The following PABPC4L variants were observed in gnomAD, a reference collection of about 807,000 sequenced individuals.
PABPC4L encodes the protein poly(A) binding protein cytoplasmic 4 like, also known as polyadenylate-binding protein 4-like.
For missense variants in PABPC4L, 452 were observed against 451.4 expected (o/e 1.00, Z -0.01); for synonymous variants, 169 against 164.1 (o/e 1.03, Z -0.23).
At chr4:134,008,405 A>C in the PABPC4L span, among the ~76,000 whole-genome samples, 1 of 151,824 alleles carries the variant, frequency 6.6e-6, no homozygotes, top group African/African-American at 2.4e-5. Context: ...TTGTTTTACT[A>C]GTAGACTTAC....
chr4:133,960,832 C>T, the PABPC4L span, among the ~76,000 whole-genome samples: 6 of 152,178 alleles, frequency 3.9e-5, no homozygotes, highest in South Asian at 1.2e-3. Flanking sequence ...TCAGCAGAGG[C>T]AGCCATAATG....
chr4:134,195,467 C>T (rs968029405), downstream of PABPC4L, among the ~76,000 whole-genome samples: 3 of 151,700 alleles, frequency 2.0e-5, no homozygotes, highest in Non-Finnish European at 4.4e-5. Context: ...TTATATCTGC[C>T]ACTTCAGTGA....
At chr4:134,174,438 G>A in the PABPC4L span, among the ~76,000 whole-genome samples, 1 of 152,122 alleles carries the variant, frequency 6.6e-6, no homozygotes, top group Non-Finnish European at 1.5e-5. Flanking sequence ...AGGACAGTAG[G>A]TGTGTTTACA....
chr4:134,036,017 C>T, the PABPC4L span, among the ~76,000 whole-genome samples: 1 of 152,120 alleles, frequency 6.6e-6, no homozygotes, highest in Middle Eastern at 3.4e-3. Context: ...ATCCAATTAC[C>T]TTTACCTGTC....
chr4:134,049,956 C>T, the PABPC4L span, among the ~76,000 whole-genome samples: 1 of 152,130 alleles, frequency 6.6e-6, no homozygotes, highest in Non-Finnish European at 1.5e-5. Context: ...TAATGCAGTT[C>T]ATAAGATGTC....
the PABPC4L span, among the ~76,000 whole-genome samples, chr4:134,181,715 T>C: frequency 6.6e-6 from 1 of 152,030 alleles, no homozygotes; most frequent in Non-Finnish European, 1.5e-5. Flanking sequence ...GTAGCATTCA[T>C]ATACAACAGA....
the PABPC4L span, among the ~76,000 whole-genome samples, chr4:133,951,202 T>C: frequency 3.3e-5 from 5 of 152,336 alleles, no homozygotes; most frequent in East Asian, 9.7e-4. Context: ...TATCTCATCA[T>C]GTAATGGAGC....
chr4:134,186,871 A>G, the PABPC4L span, among the ~76,000 whole-genome samples: 1 of 152,276 alleles, frequency 6.6e-6, no homozygotes, highest in Non-Finnish European at 1.5e-5. Context: ...CCCCATCAAA[A>G]AGTGGGCAAA....
chr4:134,109,884 G>C, the PABPC4L span, among the ~76,000 whole-genome samples: 1 of 151,782 alleles, frequency 6.6e-6, no homozygotes, highest in African/African-American at 2.4e-5. Context: ...TGGGACTGCA[G>C]GCGTGTGCCA....
the PABPC4L span, among the ~76,000 whole-genome samples, chr4:134,092,979 G>A: frequency 3.3e-5 from 5 of 151,866 alleles, no homozygotes; most frequent in Non-Finnish European, 5.9e-5. Flanking sequence ...ACTTTTTCTA[G>A]CGAATTACTC....
chr4:133,967,726 A>T, the PABPC4L span, among the ~76,000 whole-genome samples: 9 of 152,222 alleles, frequency 5.9e-5, no homozygotes, highest in Non-Finnish European at 1.2e-4. Flanking sequence ...TTACTATTGA[A>T]CAAAGGCTAG....
At chr4:133,951,188 G>A in the PABPC4L span, among the ~76,000 whole-genome samples, 3 of 152,116 alleles carry the variant, frequency 2.0e-5, no homozygotes. Context: ...TCCACAAGCA[G>A]CCTTATCTCA....
At chr4:134,099,576 T>A in the PABPC4L span, among the ~76,000 whole-genome samples, 1 of 151,728 alleles carries the variant, frequency 6.6e-6, no homozygotes, top group African/African-American at 2.4e-5. Flanking sequence ...GTAATGCTTA[T>A]TTTGAAAGAA....
At chr4:134,036,389 C>T in the PABPC4L span, among the ~76,000 whole-genome samples, 1 of 151,986 alleles carries the variant, frequency 6.6e-6, no homozygotes, top group African/African-American at 2.4e-5. Context: ...TTGCTGCATA[C>T]CAAGCTTCAA....
chr4:133,952,479 G>A, the PABPC4L span, among the ~76,000 whole-genome samples: 1 of 152,078 alleles, frequency 6.6e-6, no homozygotes, highest in East Asian at 1.9e-4. Flanking sequence ...TGACCCATCT[G>A]GTTTCTTGAC....
At chr4:133,958,558 G>C in the PABPC4L span, among the ~76,000 whole-genome samples, 2 of 152,118 alleles carry the variant, frequency 1.3e-5, no homozygotes, top group Non-Finnish European at 1.5e-5. Context: ...CCATTTTCAT[G>C]CTGCTATGAA....
chr4:134,188,405 A>G, the PABPC4L span, among the ~76,000 whole-genome samples: 1 of 151,998 alleles, frequency 6.6e-6, no homozygotes, highest in Non-Finnish European at 1.5e-5. Context: ...ATGCTCTCCC[A>G]TTCTTTATGT....
chr4:134,097,479 A>G, the PABPC4L span, among the ~76,000 whole-genome samples: 1 of 151,670 alleles, frequency 6.6e-6, no homozygotes, highest in African/African-American at 2.4e-5. Context: ...AGAGAGAAAC[A>G]GAGAGAGAGA....
the PABPC4L span, among the ~76,000 whole-genome samples, chr4:134,166,788 C>T: frequency 6.6e-6 from 1 of 152,124 alleles, no homozygotes; most frequent in Non-Finnish European, 1.5e-5. Context: ...TCCAGAGGTG[C>T]CCAACTTAAA....
Sources: gnomAD v4.1 joint callset for allele counts (sites outside exome capture counted in the v4.1 genomes callset) on GRCh38, gnomAD v4.1.1 for gene constraint, MANE v1.5 for transcripts, NCBI Gene and HGNC (gene_info 2026-07-23, HGNC 2026-07-21) for gene names.